FAM135B: variants seen among roughly 807,000 people sequenced by gnomAD.
FAM135B encodes the protein protein FAM135B.
FAM135B carries 43 observed loss-of-function variants against 127.7 expected under a neutral mutation model. The observed-to-expected ratio is 0.34, with a 90% confidence interval of 0.26 to 0.43. The LOEUF (loss-of-function observed/expected upper bound fraction) is 0.43. Ranked by LOEUF, FAM135B falls within the 20% of genes least tolerant of loss-of-function variation. FAM135B has a pLI of 1.00. For synonymous variants in FAM135B, 670 were observed against 665.1 expected, an observed-to-expected ratio of 1.01 and a Z score of -0.11; for missense variants, 1,558 against 1,725.6, an observed-to-expected ratio of 0.90 and a Z score of 1.72.
In FAM135B at chr8:138,447,375, A is replaced by G. The variant is rs548078121; in HGVS notation, c.-20+49296T>C. ...GCACACATATGTTTATTGCGGCACT[A>G]TTCACAATAGCAAAGACTTGGAACC... On this transcript the variant is annotated intron_variant, in intron 1 of 19. Coordinates refer to ENST00000395297, the MANE Select transcript of FAM135B (RefSeq NM_015912.4). Among the ~76,000 whole-genome samples, 5 of 152,204 alleles carry G rather than the reference A, an allele frequency of 3.3e-5. No homozygotes were observed. In the East Asian group the frequency reaches 9.7e-4, roughly 29 times the overall value.
intron 1 of FAM135B, among the ~76,000 whole-genome samples, chr8:138,462,958 C>T (rs1003095901): frequency 6.6e-5 from 10 of 152,150 alleles, no homozygotes; most frequent in Non-Finnish European, 1.0e-4. Flanking sequence ...TAACTAACAG[C>T]AGGCTATTTA....
intron 1 of FAM135B, 78 bp from the exon 2 acceptor site, chr8:138,368,080 C>A: frequency 1.1e-6 from 1 of 939,948 alleles, no homozygotes. Context: ...CAACAGGAAA[C>A]CAATCTGACC....
rs1816898306 is a variant in FAM135B at position 138,139,001 on chromosome 8, G to A, written c.3886C>T (p.Leu1296=). Residue 1296 remains leucine, a synonymous_variant, in exon 18 of 20, where the codon CTA becomes TTA. Coordinates refer to ENST00000395297, the MANE Select transcript of FAM135B (RefSeq NM_015912.4). ...ADLRKCFLYQ[L]SQKTGLQYFK... The stretch of plus-strand genomic sequence containing the variant: ...AACCACTGACCTGTTTTTTGGCTTA[G>A]TTGGTAGAGGAAACATTTGCGCAAA... 6.2e-7 allele frequency: 1 copy of A among 1,611,878 alleles called. No individual in the cohort carries two copies. The highest frequency in any genetic ancestry group is 1.3e-5 in the African/African-American group (1 of 74,858).
At chr8:138,295,971 T>C (rs75367822) in intron 3 of FAM135B, among the ~76,000 whole-genome samples, 1,985 of 152,228 alleles carry the variant, frequency 0.013, 44 homozygotes, top group African/African-American at 0.044. Context: ...CAGAAAGCAG[T>C]CCAGCCTGAG....
At chr8:138,438,309 T>A (rs999819791) in intron 1 of FAM135B, 4 of 152,132 alleles carry the variant, frequency 2.6e-5, no homozygotes, top group African/African-American at 9.7e-5. Flanking sequence ...ATGTCTCAAG[T>A]ACTCCATGAG....
intron 7 of FAM135B, among the ~76,000 whole-genome samples, chr8:138,210,214 A>G (rs774539382): frequency 6.6e-5 from 10 of 152,138 alleles, no homozygotes; most frequent in Non-Finnish European, 1.2e-4. Flanking sequence ...GGTGCCTTAG[A>G]GATTTAAAAT....
intron 1 of FAM135B, among the ~76,000 whole-genome samples, chr8:138,478,865 AAT>A (rs1295668259): frequency 6.6e-6 from 1 of 152,218 alleles, no homozygotes; most frequent in African/African-American, 2.4e-5. Context: ...CACACTGAGC[AAT>A]TCTGACACTA....
intron 3 of FAM135B, among the ~76,000 whole-genome samples, chr8:138,268,560 G>A (rs1454684146): frequency 6.6e-6 from 1 of 152,114 alleles, no homozygotes; most frequent in Non-Finnish European, 1.5e-5. Flanking sequence ...ACTTCCCTGG[G>A]ATTGTGGAGA....
In FAM135B at chr8:138,132,588, A is replaced by G; in HGVS notation, c.*5T>C. 6.2e-7 allele frequency: 1 copy of G among 1,610,374 alleles called. No homozygotes were observed. Among genetic ancestry groups the G allele is most frequent in the Non-Finnish European group, 8.5e-7 (1 of 1,176,598 alleles). ...CATTACCAAAGACCTGCTCCCTCAA[A>G]GCCACTACTTGAAGTAGTTGAGTCC... On this transcript the variant is annotated 3_prime_UTR_variant, in exon 20 of 20. Transcript: ENST00000395297. The surrounding 1 kb of genome is among the most constrained non-coding windows in gnomAD (Gnocchi z 4.5).
chr8:138,224,052 G>A (rs147358697), intron 7 of FAM135B, among the ~76,000 whole-genome samples: 2,093 of 152,156 alleles, frequency 0.014, 27 homozygotes, highest in Middle Eastern at 0.024. Context: ...TGGGGGGCAA[G>A]GGTTGAAAAA....
intron 1 of FAM135B, among the ~76,000 whole-genome samples, chr8:138,375,726 C>T (rs1361613916): frequency 1.3e-5 from 2 of 152,100 alleles, no homozygotes; most frequent in Non-Finnish European, 1.5e-5. Context: ...GTTGGTTTCC[C>T]TCCAGTTTTT....
Position 138,152,709 on chromosome 8 carries a change from C to G in FAM135B, c.1766G>C (p.Arg589Thr), listed in dbSNP as rs954629286. 1 of 1,614,170 alleles carries G rather than the reference C, an allele frequency of 6.2e-7. No individual in the cohort carries two copies. The highest frequency in any genetic ancestry group is 1.1e-5 in the South Asian group (1 of 91,080). ...TACTACCACTTTGCTTAGCCCAGTC[C>G]TGTCTAATCCATACTTATCTCTAGA... Reference protein sequence around the residue: ...RSSRDKYGLDRTGLSKVVVGG... With the variant: ...RSSRDKYGLDTTGLSKVVVGG... Residue 589 changes from arginine to threonine, a missense_variant, in exon 13 of 20, where the codon AGG (arginine) becomes ACG (threonine). This residue lies in a region of FAM135B where 923 missense variants were observed against 865.3 expected (regional missense o/e 1.07). Coordinates refer to ENST00000395297, the MANE Select transcript of FAM135B (RefSeq NM_015912.4).
intron 4 of FAM135B, 86 bp from the exon 5 acceptor site, chr8:138,256,845 G>C: frequency 1.0e-6 from 1 of 975,982 alleles, no homozygotes; most frequent in Non-Finnish European, 1.6e-6. Flanking sequence ...CCAAAGTAGA[G>C]AAACACTATC....
intron 15 of FAM135B, among the ~76,000 whole-genome samples, chr8:138,143,541 A>G (rs749199038): frequency 2.6e-5 from 4 of 152,158 alleles, no homozygotes; most frequent in Non-Finnish European, 4.4e-5. Flanking sequence ...CATAGCCTTT[A>G]GAGTATGCAG....
At chr8:138,146,088 T>G (rs1817625470) in intron 14 of FAM135B, 38 bp from the exon 15 acceptor site, 3 of 1,044,790 alleles carry the variant, frequency 2.9e-6, no homozygotes, top group Non-Finnish European at 4.4e-6. Context: ...AGTCCCGTAG[T>G]TAGTCATATA....
At chr8:138,291,435 C>G (rs1023600889) in intron 3 of FAM135B, among the ~76,000 whole-genome samples, 2 of 152,190 alleles carry the variant, frequency 1.3e-5, no homozygotes, top group African/African-American at 4.8e-5. Context: ...CACTTCCAAA[C>G]TCATTTTTTG....
At chr8:138,263,997 C>A (rs562450078) in intron 4 of FAM135B, among the ~76,000 whole-genome samples, 1 of 152,150 alleles carries the variant, frequency 6.6e-6, no homozygotes, top group African/African-American at 2.4e-5. Context: ...CAAGAATAAG[C>A]CCTAAATTCC....
chr8:138,227,652 A>G (rs990118823), intron 7 of FAM135B, among the ~76,000 whole-genome samples: 5 of 151,968 alleles, frequency 3.3e-5, no homozygotes, highest in African/African-American at 1.2e-4. Flanking sequence ...TCAAGGAAAC[A>G]GTCACATCCA....
intron 2 of FAM135B, among the ~76,000 whole-genome samples, chr8:138,365,373 T>C (rs906130655): frequency 6.6e-6 from 1 of 152,206 alleles, no homozygotes; most frequent in African/African-American, 2.4e-5. Context: ...CAAGGGTCTA[T>C]TGGATGTGTT....
Sources: gnomAD v4.1 joint callset for allele counts (sites outside exome capture counted in the v4.1 genomes callset) on GRCh38, gnomAD v4.1.1 for gene constraint, gnomAD v4.1.1 regional missense constraint, Gnocchi (gnomAD v3.1) non-coding constraint, MANE v1.5 for transcripts, NCBI Gene and HGNC (gene_info 2026-07-23, HGNC 2026-07-21) for gene names.